FAF1: variants seen among roughly 807,000 people sequenced by gnomAD.
FAF1 encodes Fas associated factor 1, also known as FAS-associated factor 1.
A neutral mutation model predicts 92.5 loss-of-function variants in FAF1; 25 were observed. The ratio of observed to expected loss-of-function variants is 0.27; its 90% CI spans 0.20 to 0.38. The LOEUF is 0.38. Among genes scored for constraint, FAF1 ranks in the 10% least tolerant of loss-of-function variants. FAF1 has a pLI of 1.00. For missense variants in FAF1, 636 were observed against 793.3 expected, an observed-to-expected ratio of 0.80 and a Z score of 2.38; for synonymous variants, 234 against 273.2, an observed-to-expected ratio of 0.86 and a Z score of 1.42.
intron 15 of FAF1, among the ~76,000 whole-genome samples, chr1:50,494,993 C>A (rs967213158): frequency 2.0e-5 from 3 of 151,996 alleles, no homozygotes; most frequent in African/African-American, 7.3e-5. Flanking sequence ...TTTTTGAGTA[C>A]ATAGTAGGTC....
chr1:50,687,434 T>A (rs1053922947), intron 7 of FAF1, among the ~76,000 whole-genome samples: 1 of 150,390 alleles, frequency 6.6e-6, no homozygotes, highest in African/African-American at 2.5e-5. Flanking sequence ...GTTCTATAAA[T>A]GGTCAATAAA....
chr1:50,553,180 T>A (rs1649394117), intron 13 of FAF1, among the ~76,000 whole-genome samples: 1 of 152,116 alleles, frequency 6.6e-6, no homozygotes, highest in Non-Finnish European at 1.5e-5. Flanking sequence ...GATAAAAAAA[T>A]CTTTAAGACC....
intron 6 of FAF1, among the ~76,000 whole-genome samples, chr1:50,731,363 A>C (rs1386143163): frequency 1.3e-5 from 2 of 149,820 alleles, no homozygotes; most frequent in African/African-American, 2.4e-5. Context: ...TTTCTGTTTT[A>C]TCTTTTCTCT....
chr1:50,684,829 T>C (rs1431938232), intron 7 of FAF1, among the ~76,000 whole-genome samples: 1 of 152,206 alleles, frequency 6.6e-6, no homozygotes, highest in Non-Finnish European at 1.5e-5. Context: ...CAAATACTAT[T>C]TGTTCTTTGA....
chr1:50,690,372 A>G (rs971684976), intron 7 of FAF1, among the ~76,000 whole-genome samples: 1 of 152,168 alleles, frequency 6.6e-6, no homozygotes, highest in Non-Finnish European at 1.5e-5. Flanking sequence ...TTGGGAGGCC[A>G]AGGTGGGCAA....
At chr1:50,933,989 C>T (rs1168844584) in intron 1 of FAF1, among the ~76,000 whole-genome samples, 1 of 152,208 alleles carries the variant, frequency 6.6e-6, no homozygotes, top group African/African-American at 2.4e-5. Flanking sequence ...TCCCACAACA[C>T]GTGGGACTTC....
intron 4 of FAF1, among the ~76,000 whole-genome samples, chr1:50,760,497 ACG>A (rs1305644785): frequency 3.0e-4 from 46 of 152,348 alleles, no homozygotes; most frequent in Non-Finnish European, 5.7e-4. Flanking sequence ...CTCTCAGACC[ACG>A]GTGCAATCAA....
At chr1:50,760,234 A>G (rs1660268571) in intron 4 of FAF1, among the ~76,000 whole-genome samples, 1 of 152,154 alleles carries the variant, frequency 6.6e-6, no homozygotes, top group African/African-American at 2.4e-5. Flanking sequence ...ACACATTAAT[A>G]ATGGGAGACT....
At chr1:50,683,790 G>A (rs1001807438) in intron 7 of FAF1, among the ~76,000 whole-genome samples, 6 of 151,806 alleles carry the variant, frequency 4.0e-5, no homozygotes, top group South Asian at 2.1e-4. Flanking sequence ...AAATTAGCCG[G>A]GTGTGGTGGC....
chr1:50,760,439 A>G (rs548908766), intron 4 of FAF1, among the ~76,000 whole-genome samples: 65 of 152,340 alleles, frequency 4.3e-4, no homozygotes, highest in Middle Eastern at 3.4e-3. Context: ...AGATGGAAGT[A>G]AAGCTCTCCT....
chr1:50,782,487 G>T (rs1430388583), intron 4 of FAF1, among the ~76,000 whole-genome samples: 2 of 151,992 alleles, frequency 1.3e-5, no homozygotes, highest in Non-Finnish European at 2.9e-5. Flanking sequence ...AAAAACATTT[G>T]TACAACTGTA....
chr1:50,672,661 G>A (rs1288149440), intron 7 of FAF1, among the ~76,000 whole-genome samples: 1 of 152,068 alleles, frequency 6.6e-6, no homozygotes, highest in Non-Finnish European at 1.5e-5. Context: ...TAAGAAAGTA[G>A]AAAATATAGA....
At position 50,441,393 on chromosome 1, in the gene FAF1, G is replaced by T; in HGVS notation, c.*47C>A. ...GGCGAGGAGCCCTTCTCCTGACGCA[G>T]GCTGCTGGCTTGTCAAGGAATGGCT... On this transcript the variant is annotated 3_prime_UTR_variant, in exon 19 of 19. Coordinates refer to ENST00000396153, the MANE Select transcript of FAF1 (RefSeq NM_007051.3). The T allele has an allele frequency of 8.0e-7, 1 of 1,255,286 alleles. No homozygotes were observed. Among genetic ancestry groups the T allele is most frequent in the Non-Finnish European group, 1.1e-6 (1 of 910,472 alleles). 77.8% of individuals were successfully genotyped at this position (1,255,286 alleles called of 1,614,324 possible).
intron 13 of FAF1, among the ~76,000 whole-genome samples, chr1:50,561,663 C>T (rs1022828671): frequency 2.6e-5 from 4 of 151,950 alleles, no homozygotes; most frequent in African/African-American, 9.7e-5. Flanking sequence ...CCATCTCTAC[C>T]AAAAATACAA....
At chr1:50,687,579 G>A (rs540970457) in intron 7 of FAF1, among the ~76,000 whole-genome samples, 4 of 151,982 alleles carry the variant, frequency 2.6e-5, no homozygotes, top group African/African-American at 7.2e-5. Context: ...GTGAAACCCC[G>A]TCTCTACTAA....
At chr1:50,526,534 C>A (rs1382510992) in intron 15 of FAF1, among the ~76,000 whole-genome samples, 3 of 151,836 alleles carry the variant, frequency 2.0e-5, no homozygotes, top group Non-Finnish European at 4.4e-5. Context: ...AAACTCCTGA[C>A]TGCAAGCAAT....
At chr1:50,639,192 C>T (rs1436471418) in intron 8 of FAF1, among the ~76,000 whole-genome samples, 2 of 152,158 alleles carry the variant, frequency 1.3e-5, no homozygotes, top group African/African-American at 4.8e-5. Flanking sequence ...GCTTATCATT[C>T]ACTAGTTGAC....
chr1:50,559,255 A>C (rs1344626608), intron 13 of FAF1, among the ~76,000 whole-genome samples: 3 of 152,212 alleles, frequency 2.0e-5, no homozygotes, highest in Non-Finnish European at 2.9e-5. Context: ...CGTCTCAAAA[A>C]AAAAAAAAAG....
At chr1:50,948,090 T>C (rs1645184896) in intron 1 of FAF1, among the ~76,000 whole-genome samples, 2 of 152,156 alleles carry the variant, frequency 1.3e-5, no homozygotes, top group Non-Finnish European at 1.5e-5. Flanking sequence ...AAGAAACTAT[T>C]AACCCTAACT....
Sources: allele counts gnomAD v4.1 joint callset (sites outside exome capture counted in the v4.1 genomes callset), GRCh38; gene constraint gnomAD v4.1.1; transcripts MANE v1.5; gene names NCBI Gene and HGNC (gene_info 2026-07-23, HGNC 2026-07-21).